RBSN: variants seen among roughly 807,000 people sequenced by gnomAD.
RBSN encodes the protein rabenosyn-5.
RBSN carries 34 observed loss-of-function variants against 60.5 expected under a neutral mutation model. The ratio of observed to expected loss-of-function variants is 0.56; its 90% CI spans 0.43 to 0.75. RBSN has a LOEUF of 0.75. Ranked by LOEUF, RBSN falls within the 30% of genes least tolerant of loss-of-function variation. The probability of loss-of-function intolerance (pLI) is 0.00; values close to 1 mark genes in which losing one functional copy is unlikely to be tolerated. For synonymous variants in RBSN, 322 were observed against 366.9 expected, an observed-to-expected ratio of 0.88 and a Z score of 1.40; for missense variants, 845 against 986.8, an observed-to-expected ratio of 0.86 and a Z score of 1.92.
chr3:15,095,839 C>G (rs1309080808), intron 4 of RBSN, 134 bp downstream of exon 4: 1 of 1,170,780 alleles, frequency 8.5e-7, no homozygotes, highest in Non-Finnish European at 1.2e-6. Context: ...ACGCCTGGCA[C>G]ATGACAAACA....
At chr3:15,075,813 C>G (rs1235555522) in intron 12 of RBSN, 103 bp from the exon 13 acceptor site, 13 of 867,802 alleles carry the variant, frequency 1.5e-5, no homozygotes, top group Non-Finnish European at 2.3e-5. Context: ...ACTCTGTTCT[C>G]AGAGAGTGAC....
chr3:15,095,736 T>C (rs536524698), intron 4 of RBSN: 7 of 574,800 alleles, frequency 1.2e-5, no homozygotes, highest in East Asian at 2.9e-5. Flanking sequence ...AGACAAGTTA[T>C]CTAATCTCTC....
At chr3:15,095,820 ACT>A in intron 4 of RBSN, 151 bp downstream of exon 4, 1 of 938,408 alleles carries the variant, frequency 1.1e-6, no homozygotes, top group East Asian at 2.5e-5. Context: ...AAACAGGGAA[ACT>A]CTGAAAACGC....
chr3:15,078,132 T>G lies in RBSN; in HGVS notation c.941A>C (p.His314Pro). The G allele has an allele frequency of 6.2e-7, 1 of 1,614,190 alleles. No individual in the cohort carries two copies. Among genetic ancestry groups the G allele is most frequent in the Middle Eastern group, 1.6e-4 (1 of 6,062 alleles). The change falls in exon 11 of 14, where the codon CAT (histidine) becomes CCT (proline). Residue 314 changes from histidine (H) to proline (P), a missense_variant. Coordinates refer to ENST00000253699, the MANE Select transcript of RBSN (RefSeq NM_022340.4). ...NAGETTYSLE[H>P]ASDLRVEVQK... ...CACTTCCACTCGAAGGTCACTGGCA[T>G]GTTCCAGACTGTAGGTTGTCTCCCC...
At position 15,082,343 on chromosome 3, in the gene RBSN, C is replaced by G; in HGVS notation, c.840+24G>C. ...GCCAAATCTGCCTAAGAAATTAGAC[C>G]CAAGACCAGACAGCGCGAATCACCT... On this transcript the variant is annotated intron_variant, in intron 9 of 13. Transcript: ENST00000253699. This position sits in a 1 kb window ranked among gnomAD's most constrained non-coding sequence, Gnocchi z 4.2. The G allele has an allele frequency of 6.3e-7, 1 of 1,599,344 alleles. No homozygotes were observed. Among genetic ancestry groups the G allele is most frequent in the Non-Finnish European group, 8.6e-7 (1 of 1,167,590 alleles).
At chr3:15,081,867 G>A (rs745703849) in intron 9 of RBSN, among the ~76,000 whole-genome samples, 1 of 152,156 alleles carries the variant, frequency 6.6e-6, no homozygotes, top group Admixed American at 6.5e-5. Context: ...CTAGTAGGGG[G>A]GCTGTGGGAT....
chr3:15,078,269 T>G, intron 10 of RBSN, 108 bp from the exon 11 acceptor site: 15 of 849,602 alleles, frequency 1.8e-5, no homozygotes, highest in South Asian at 2.9e-5. Flanking sequence ...GTTAATTCTC[T>G]AAAGGTGGCA....
intron 4 of RBSN, among the ~76,000 whole-genome samples, chr3:15,095,038 GTC>G (rs893634028): frequency 6.6e-6 from 1 of 150,880 alleles, no homozygotes; most frequent in Non-Finnish European, 1.5e-5. Context: ...GTGTGTGTGT[GTC>G]TCTCTCTCTG....
At position 15,084,795 on chromosome 3, in the gene RBSN, G is replaced by A. The variant is rs745678941; in HGVS notation, c.538C>T (p.Arg180Cys). 18 of 1,614,076 alleles carry A rather than the reference G, an allele frequency of 1.1e-5. No homozygotes were observed. Among genetic ancestry groups the A allele is most frequent in the East Asian group, 4.5e-5 (2 of 44,896 alleles). ...FSIRNRRHHCRLCGSIMCKKC... is the reference protein window; with the variant it reads ...FSIRNRRHHCCLCGSIMCKKC... ...TTGCACATAATAGACCCGCAGAGGCGGCAGTGGTGGCGGCGGTTCCGGATG... is the reference window on the plus strand; with the variant it reads ...TTGCACATAATAGACCCGCAGAGGCAGCAGTGGTGGCGGCGGTTCCGGATG... The change falls in exon 8 of 14, where the codon CGC becomes TGC. Residue 180 changes from arginine to cysteine, a missense_variant. Arg to Cys is a radical substitution (Grantham distance 180). Transcript: ENST00000253699. The surrounding 1 kb of genome is among the most constrained non-coding windows in gnomAD (Gnocchi z 4.2).
chr3:15,096,181 C>T lies in RBSN; in HGVS notation c.-61G>A. The T allele has an allele frequency of 1.3e-6, 2 of 1,503,476 alleles. No homozygotes were observed. The highest frequency in any genetic ancestry group is 1.8e-6 in the Non-Finnish European group (2 of 1,128,846). 93.1% of individuals were successfully genotyped at this position (1,503,476 alleles called of 1,614,324 possible). A position where few individuals can be genotyped will look rare whatever the true frequency, so the allele number is the denominator to read the frequency against. On this transcript the variant is annotated 5_prime_UTR_variant, in exon 4 of 14. Transcript: ENST00000253699. ...CTCATGCCAAGAGTCAGCTTGATTCCTCCCAAGGAACCATGGTTCCCGCAG... is the reference window on the plus strand; with the variant it reads ...CTCATGCCAAGAGTCAGCTTGATTCTTCCCAAGGAACCATGGTTCCCGCAG...
chr3:15,088,051 C>T (rs2043395635), intron 5 of RBSN, among the ~76,000 whole-genome samples: 1 of 152,196 alleles, frequency 6.6e-6, no homozygotes, highest in Non-Finnish European at 1.5e-5. Context: ...ATTCATTTGA[C>T]CTACAATTTG....
rs74838831 is a variant in RBSN at position 15,094,785 on chromosome 3, G to A, written c.148+1188C>T. Among the ~76,000 whole-genome samples, 997 of 152,300 alleles carry A rather than the reference G, an allele frequency of 6.5e-3. 14 individuals carry two copies. The highest frequency in any genetic ancestry group is 0.023 in the African/African-American group (936 of 41,554). On this transcript the variant is annotated intron_variant, in intron 4 of 13. Coordinates refer to ENST00000253699, the MANE Select transcript of RBSN (RefSeq NM_022340.4). ...ACTGAACAGAAAAGTGAGATAGAGT[G>A]AGACTCTAGGGACAAATATCTGATT...
chr3:15,092,285 T>G (rs1249482537), intron 4 of RBSN, among the ~76,000 whole-genome samples: 3 of 151,628 alleles, frequency 2.0e-5, no homozygotes, highest in Non-Finnish European at 4.4e-5. Context: ...TTTAAGACGG[T>G]CAAGCCAATA....
chr3:15,095,226 G>A (rs1438157508), intron 4 of RBSN, among the ~76,000 whole-genome samples: 1 of 151,598 alleles, frequency 6.6e-6, no homozygotes, highest in African/African-American at 2.4e-5. Flanking sequence ...GTTTCGCCAT[G>A]TTGCCCAGGC....
chr3:15,074,621 C>T lies in RBSN; in HGVS notation c.1516G>A (p.Glu506Lys), dbSNP rs776101358. Reference sequence around the variant, plus strand: ...TCCTCAGCCTGCCTCCGGGACAGCTCGATGGCCTTCTCTGTCTGCTGCTGG... The same window carrying T: ...TCCTCAGCCTGCCTCCGGGACAGCTTGATGGCCTTCTCTGTCTGCTGCTGG... ...YDQQQTEKAI[E>K]LSRRQAEEED... is the part of the protein sequence containing the mutation. The change falls in exon 14 of 14, where the codon GAG becomes AAG. Residue 506 changes from glutamate to lysine, a missense_variant. Glu to Lys is a moderately conservative substitution (Grantham distance 56). Transcript: ENST00000253699. The surrounding 1 kb of genome is among the most constrained non-coding windows in gnomAD (Gnocchi z 6.4). 14 of 1,614,120 alleles carry T rather than the reference C, an allele frequency of 8.7e-6. No individual in the cohort carries two copies. In the East Asian group the frequency reaches 8.9e-5, roughly 10 times the overall value.
Position 15,074,292 on chromosome 3 carries a change from G to A in RBSN, c.1845C>T (p.Ser615=). ...AGGGCCCCTCATGTTGCTGTGGCAT[G>A]CTGCTCTGGGGTAAGCGCTCCTGGC... The part of the protein sequence containing the change: ...AVGQERLPQS[S]MPQQHEGPSL... The change falls in exon 14 of 14, where the codon AGC becomes AGT. Residue 615 remains serine (S), a synonymous_variant. Transcript: ENST00000253699. This position sits in a 1 kb window ranked among gnomAD's most constrained non-coding sequence, Gnocchi z 6.4. 1 of 1,613,978 alleles carries A rather than the reference G, an allele frequency of 6.2e-7. No homozygotes were observed. The highest frequency in any genetic ancestry group is 8.5e-7 in the Non-Finnish European group (1 of 1,179,908).
chr3:15,079,768 G>A (rs1458931360), intron 10 of RBSN, among the ~76,000 whole-genome samples: 1 of 152,212 alleles, frequency 6.6e-6, no homozygotes, highest in Non-Finnish European at 1.5e-5. Flanking sequence ...TGGTGTCCAG[G>A]GAGATGGGGA....
chr3:15,074,905 A>G lies in RBSN; in HGVS notation c.1232T>C (p.Leu411Pro). 6.2e-7 allele frequency: 1 copy of G among 1,612,322 alleles called. No homozygotes were observed. Among genetic ancestry groups the G allele is most frequent in the Non-Finnish European group, 8.5e-7 (1 of 1,179,366 alleles). The stretch of plus-strand genomic sequence containing the variant: ...AGCCAGGCCACTCTGCCTTTCCTCA[A>G]GCCTTCGCTGGGACTCCAGGGCAGC... ...RQAALESQRR[L>P]EERQSGLASR... The change falls in exon 14 of 14, where the codon CTT becomes CCT. Residue 411 changes from leucine (L) to proline (P), a missense_variant. Transcript: ENST00000253699. The surrounding 1 kb of genome is among the most constrained non-coding windows in gnomAD (Gnocchi z 6.4).
At chr3:15,092,469 C>T (rs1441956786) in intron 4 of RBSN, among the ~76,000 whole-genome samples, 1 of 152,088 alleles carries the variant, frequency 6.6e-6, no homozygotes, top group Non-Finnish European at 1.5e-5. Context: ...GCAATGGCAG[C>T]AATCTCAGCT....
Sources: gnomAD v4.1 joint callset for allele counts (sites outside exome capture counted in the v4.1 genomes callset) on GRCh38, gnomAD v4.1.1 for gene constraint, Gnocchi (gnomAD v3.1) non-coding constraint, MANE v1.5 for transcripts, NCBI Gene and HGNC (gene_info 2026-07-23, HGNC 2026-07-21) for gene names.